ITIH5: variants seen among roughly 807,000 people sequenced by gnomAD.
The protein encoded by ITIH5 is inter-alpha-trypsin inhibitor heavy chain 5.
In ITIH5, 65 loss-of-function variants were observed where a neutral mutation model predicts 77.5. That is an observed-to-expected ratio of 0.84 (90% CI 0.69 to 1.03). The LOEUF is 1.03. Ranked by LOEUF, ITIH5 falls within the 50% of genes least tolerant of loss-of-function variation. ITIH5 has a pLI of 0.00. For missense variants in ITIH5, 1,208 were observed against 1,213.1 expected (o/e 1.00, Z 0.06); for synonymous variants, 525 against 494.3 (o/e 1.06, Z -0.82).
chr10:7,624,670 G>A (rs1466198357), intron 5 of ITIH5, among the ~76,000 whole-genome samples: 4 of 146,354 alleles, frequency 2.7e-5, no homozygotes, highest in African/African-American at 1.0e-4. Context: ...ATACAAAAAT[G>A]AGCTACTAAG....
Position 7,571,297 on chromosome 10 carries a change from T to A in ITIH5, c.2033-1513A>T, listed in dbSNP as rs992983084. 6 of 152,162 alleles carry A rather than the reference T, an allele frequency of 3.9e-5. 1 individual carries two copies. Among genetic ancestry groups the A allele is most frequent in the Admixed American group, 3.9e-4 (6 of 15,268 alleles). The allele number at this position is 152,162 out of a possible 1,614,324, so 9.4% of individuals were successfully genotyped here. On this transcript the variant is annotated intron_variant, in intron 11 of 13. Coordinates refer to ENST00000397146, the MANE Select transcript of ITIH5 (RefSeq NM_030569.7). ...CTCTTGGTGTCCATGGGGGATTAGT[T>A]CCAGGACCCCCGCGGATACTAAAAT... is the stretch of plus-strand genomic sequence containing the variant.
At chr10:7,592,071 A>G (rs573594891) in intron 7 of ITIH5, among the ~76,000 whole-genome samples, 1 of 151,982 alleles carries the variant, frequency 6.6e-6, no homozygotes, top group Admixed American at 6.6e-5. Flanking sequence ...GGGTCTCACT[A>G]TGTTGGCCAG....
chr10:7,649,242 T>G (rs1437494564), intron 2 of ITIH5, among the ~76,000 whole-genome samples: 1 of 152,060 alleles, frequency 6.6e-6, no homozygotes, highest in African/African-American at 2.4e-5. Context: ...TCCTTCTTTC[T>G]TCTTCCTCCT....
chr10:7,613,266 A>T (rs1833291449), intron 7 of ITIH5, among the ~76,000 whole-genome samples: 1 of 116,020 alleles, frequency 8.6e-6, no homozygotes, highest in African/African-American at 3.0e-5. Flanking sequence ...AAAAAAAAAA[A>T]AAAAGAACTT....
intron 7 of ITIH5, among the ~76,000 whole-genome samples, chr10:7,587,819 G>A (rs11255211): frequency 0.28 from 43,004 of 152,060 alleles, 6,373 homozygotes; most frequent in East Asian, 0.49. Context: ...GGACACCCTT[G>A]AAACACGCTG....
chr10:7,595,964 C>T (rs554627459), intron 7 of ITIH5, among the ~76,000 whole-genome samples: 128 of 152,234 alleles, frequency 8.4e-4, no homozygotes, highest in Middle Eastern at 3.4e-3. Flanking sequence ...GCCGAGATCA[C>T]GCCACTGCAT....
At position 7,648,504 on chromosome 10, in the gene ITIH5, A is replaced by G. The variant is rs528729803; in HGVS notation, c.136-6414T>C. On this transcript the variant is annotated intron_variant, in intron 2 of 13. Coordinates refer to ENST00000397146, the MANE Select transcript of ITIH5 (RefSeq NM_030569.7). Reference sequence around the variant, plus strand: ...CTTCAAAAATTCTTCTTGTCAATTTATCATGTAATTCTTTTACATAAAAGT... The same window carrying G: ...CTTCAAAAATTCTTCTTGTCAATTTGTCATGTAATTCTTTTACATAAAAGT... Among the ~76,000 whole-genome samples the G allele has an allele frequency of 1.8e-4, 28 of 152,358 alleles. No homozygotes were observed. The South Asian group carries it at 2.7e-3, about 15-fold the overall frequency.
chr10:7,585,846 A>C, intron 8 of ITIH5, 55 bp downstream of exon 8: 1 of 1,487,050 alleles, frequency 6.7e-7, no homozygotes, highest in Non-Finnish European at 9.0e-7. Context: ...AAAAACCAAA[A>C]AAAAAAACAT....
intron 1 of ITIH5, among the ~76,000 whole-genome samples, chr10:7,666,398 CCT>C (rs1834361695): frequency 6.6e-6 from 1 of 152,002 alleles, no homozygotes; most frequent in Non-Finnish European, 1.5e-5. Flanking sequence ...GTCTAGAACT[CCT>C]CTCATATTGC....
chr10:7,635,844 T>A (rs1226578982), intron 5 of ITIH5, among the ~76,000 whole-genome samples: 1 of 152,208 alleles, frequency 6.6e-6, no homozygotes, highest in Admixed American at 6.5e-5. Context: ...CTCCTGCCGA[T>A]CTTATCCCTA....
chr10:7,596,476 C>A (rs569764559), intron 7 of ITIH5, among the ~76,000 whole-genome samples: 24 of 152,284 alleles, frequency 1.6e-4, no homozygotes, highest in African/African-American at 5.8e-4. Flanking sequence ...TGGGAACTAA[C>A]CCTGACACAA....
At chr10:7,628,195 T>C (rs146132296) in intron 5 of ITIH5, among the ~76,000 whole-genome samples, 178 of 152,326 alleles carry the variant, frequency 1.2e-3, no homozygotes, top group African/African-American at 4.2e-3. Flanking sequence ...ATCCACAATG[T>C]TGTGCAAACA....
In ITIH5 at chr10:7,601,865, G is replaced by GT. The variant is rs1470496535; in HGVS notation, c.939+14116dup. ...CACTCTAAGGCTCAGTTTTTGTTTT[G>GT]TTTTTGAGATGCAGTCTCCCTCTGT... is the stretch of plus-strand genomic sequence containing the variant. On this transcript the variant is annotated intron_variant, in intron 7 of 13. Transcript: ENST00000397146. 3.3e-5 allele frequency among the ~76,000 whole-genome samples: 5 copies of GT among 151,914 alleles called. No individual in the cohort carries two copies. The South Asian group carries it at 8.3e-4, about 25-fold the overall frequency.
intron 7 of ITIH5, among the ~76,000 whole-genome samples, chr10:7,591,658 T>C (rs1434707876): frequency 1.3e-5 from 2 of 152,098 alleles, no homozygotes; most frequent in Non-Finnish European, 2.9e-5. Context: ...AGGTCTCTTC[T>C]TGTCCTGCAA....
chr10:7,643,737 T>C (rs1306849464), intron 2 of ITIH5, among the ~76,000 whole-genome samples: 2 of 152,250 alleles, frequency 1.3e-5, no homozygotes, highest in East Asian at 1.9e-4. Context: ...AAAACAGATA[T>C]AAGGTTGCGA....
In ITIH5 at chr10:7,566,164, A is replaced by G. The variant is rs781006226; in HGVS notation, c.2393T>C (p.Val798Ala). The change falls in exon 13 of 14, where the codon GTC becomes GCC. Residue 798 changes from valine (V) to alanine (A), a missense_variant. Transcript: ENST00000397146. Reference sequence around the variant, plus strand: ...AAAGGCTATGGAGCCCTGGATGGTGACGGTGACATTGGCGTTGGCAGACAC... The same window carrying G: ...AAAGGCTATGGAGCCCTGGATGGTGGCGGTGACATTGGCGTTGGCAGACAC... Reference protein sequence around the residue: ...VSVSANANVTVTIQGSIAFVI... With the variant: ...VSVSANANVTATIQGSIAFVI... 6.2e-6 allele frequency: 10 copies of G among 1,614,060 alleles called. No homozygotes were observed. The Admixed American group carries it at 1.5e-4, about 24-fold the overall frequency.
At chr10:7,625,144 C>T (rs1294464106) in intron 5 of ITIH5, among the ~76,000 whole-genome samples, 1 of 151,716 alleles carries the variant, frequency 6.6e-6, no homozygotes, top group Non-Finnish European at 1.5e-5. Context: ...TTGGTGCAGA[C>T]ACACAGTGCA....
intron 13 of ITIH5, among the ~76,000 whole-genome samples, chr10:7,565,005 C>T (rs11255192): frequency 7.6e-5 from 10 of 132,398 alleles, no homozygotes; most frequent in Admixed American, 7.2e-4. Context: ...AGACTGTATA[C>T]CTACATATAT....
At chr10:7,615,872 G>C in intron 7 of ITIH5, 110 bp downstream of exon 7, 1 of 708,384 alleles carries the variant, frequency 1.4e-6, no homozygotes. Context: ...GGCAGGAATC[G>C]CTGGATGGTA....
Sources: gnomAD v4.1 joint callset for allele counts (sites outside exome capture counted in the v4.1 genomes callset) on GRCh38, gnomAD v4.1.1 for gene constraint, MANE v1.5 for transcripts, NCBI Gene and HGNC (gene_info 2026-07-23, HGNC 2026-07-21) for gene names.